The following KIF27 variants were observed in gnomAD, a reference collection of about 807,000 sequenced individuals.
KIF27 encodes kinesin family member 27.
KIF27 carries 84 observed loss-of-function variants against 141.8 expected under a neutral mutation model. The observed-to-expected ratio is 0.59, with a 90% CI of 0.50 to 0.71. KIF27 has a LOEUF of 0.71. Among genes scored for constraint, KIF27 ranks in the 30% least tolerant of loss-of-function variants. KIF27 has a pLI of 0.00. For synonymous variants in KIF27, 471 were observed against 569.5 expected (o/e 0.83, Z 2.46); for missense variants, 1,306 against 1,628.4 (o/e 0.80, Z 3.41).
chr9:83,850,768 A>G (rs1948467628), intron 15 of KIF27, among the ~76,000 whole-genome samples: 1 of 149,118 alleles, frequency 6.7e-6, no homozygotes, highest in African/African-American at 2.5e-5. Context: ...TGGGTGCAAG[A>G]GCAAAACTCT....
intron 11 of KIF27, among the ~76,000 whole-genome samples, chr9:83,879,376 C>CT (rs1220171005): frequency 6.7e-6 from 1 of 149,804 alleles, no homozygotes; most frequent in Non-Finnish European, 1.5e-5. Context: ...TCTAGGAAAT[C>CT]TGGGGCATAC....
At chr9:83,911,538 G>T (rs1442037787) in intron 2 of KIF27, among the ~76,000 whole-genome samples, 1 of 151,742 alleles carries the variant, frequency 6.6e-6, no homozygotes, top group Non-Finnish European at 1.5e-5. Context: ...CCACTTTTAT[G>T]TGTTTGGTTT....
intron 13 of KIF27, among the ~76,000 whole-genome samples, chr9:83,861,318 A>T (rs1186713271): frequency 6.6e-6 from 1 of 151,770 alleles, no homozygotes; most frequent in Admixed American, 6.6e-5. Context: ...TCCTAATGCT[A>T]TCCCTCCCCC....
At position 83,908,415 on chromosome 9, in the gene KIF27, T is replaced by C. The variant is rs747867117; in HGVS notation, c.499+37A>G. The C allele has an allele frequency of 3.9e-6, 5 of 1,273,350 alleles. No homozygotes were observed. In the South Asian group the frequency reaches 6.9e-5, roughly 18 times the overall value. The allele number at this position is 1,273,350 out of a possible 1,614,324, so 78.9% of individuals were successfully genotyped here. On this transcript the variant is annotated intron_variant, in intron 3 of 17. Coordinates refer to ENST00000297814, the MANE Select transcript of KIF27 (RefSeq NM_017576.4). ...ATTAAAGCATTAAAGCATGTCTGTT[T>C]GCTAATGAAGGCAACTGATTAAGTG...
intron 17 of KIF27, among the ~76,000 whole-genome samples, chr9:83,838,184 AAT>A (rs1427848801): frequency 1.3e-5 from 2 of 152,202 alleles, no homozygotes; most frequent in Non-Finnish European, 2.9e-5. Flanking sequence ...TGCCAACTTC[AAT>A]ATATTGATGC....
rs373093955 is a variant in KIF27, at chr9:83,848,075, A to ATCATATATATGATATATC, written c.3556+2023_3556+2024insGATATATCATATATATGA. On this transcript the variant is annotated intron_variant, in intron 16 of 17. Coordinates refer to ENST00000297814, the MANE Select transcript of KIF27 (RefSeq NM_017576.4). ...TATCTATATATCATATATATGATAT[A>ATCATATATATGATATATC]TGATATATCATATATATGATATATA... Among the ~76,000 whole-genome samples the ATCATATATATGATATATC allele has an allele frequency of 5.9e-4, 39 of 66,502 alleles. 13 individuals carry two copies. Among genetic ancestry groups the ATCATATATATGATATATC allele is most frequent in the Non-Finnish European group, 1.0e-3 (35 of 34,858 alleles). 43.6% of individuals were successfully genotyped at this position (66,502 alleles called of 152,430 possible).
At chr9:83,863,067 G>C (rs1377529347) in intron 13 of KIF27, among the ~76,000 whole-genome samples, 2 of 152,180 alleles carry the variant, frequency 1.3e-5, no homozygotes, top group African/African-American at 4.8e-5. Context: ...AGCTTAAGGA[G>C]ATTTTGGGCT....
At chr9:83,897,870 A>AG (rs1335052255) in intron 5 of KIF27, among the ~76,000 whole-genome samples, 1 of 152,234 alleles carries the variant, frequency 6.6e-6, no homozygotes, top group African/African-American at 2.4e-5. Context: ...ACTAGTCATC[A>AG]GGGAAATGCA....
intron 9 of KIF27, among the ~76,000 whole-genome samples, chr9:83,885,475 G>A (rs1952019451): frequency 6.6e-6 from 1 of 152,138 alleles, no homozygotes; most frequent in South Asian, 2.1e-4. Context: ...ACTAAATGCA[G>A]TGTGAACTGT....
intron 11 of KIF27, among the ~76,000 whole-genome samples, chr9:83,871,190 G>T (rs1053985261): frequency 6.6e-6 from 1 of 151,904 alleles, no homozygotes; most frequent in South Asian, 2.1e-4. Flanking sequence ...TAAAGTTCTG[G>T]GATTATAGGC....
At chr9:83,841,044 A>G (rs1946494674) in intron 17 of KIF27, among the ~76,000 whole-genome samples, 1 of 151,954 alleles carries the variant, frequency 6.6e-6, no homozygotes, top group Non-Finnish European at 1.5e-5. Flanking sequence ...AAATGTCTAT[A>G]CATGATAAAT....
In KIF27 at chr9:83,903,602, G is replaced by A. The variant is rs1254876416; in HGVS notation, c.916C>T (p.Leu306=). 1 of 1,614,186 alleles carries A rather than the reference G, an allele frequency of 6.2e-7. No individual in the cohort carries two copies. The highest frequency in any genetic ancestry group is 8.5e-7 in the Non-Finnish European group (1 of 1,180,040). Residue 306 remains leucine (L), a synonymous_variant, in exon 4 of 18, where the codon CTG becomes TTG. Coordinates refer to ENST00000297814, the MANE Select transcript of KIF27 (RefSeq NM_017576.4). ...ATGACAGTCTTAGCACTGCCTCCCA[G>A]AGAATCTTTCAGAAGCCGGGTAATT... is the stretch of plus-strand genomic sequence containing the variant. ...AKITRLLKDS[L]GGSAKTVMIT...
intron 17 of KIF27, chr9:83,837,963 T>C (rs972193972): frequency 5.7e-5 from 9 of 157,468 alleles, no homozygotes; most frequent in African/African-American, 2.2e-4. Context: ...GATAGCGGGG[T>C]TCTCCTGTCT....
At chr9:83,866,119 A>G (rs1950333604) in intron 13 of KIF27, among the ~76,000 whole-genome samples, 1 of 152,162 alleles carries the variant, frequency 6.6e-6, no homozygotes, top group Admixed American at 6.5e-5. Context: ...TCGGTCCCAG[A>G]GTAAGAAAAA....
chr9:83,861,355 G>A, intron 13 of KIF27, among the ~76,000 whole-genome samples: 1 of 151,080 alleles, frequency 6.6e-6, no homozygotes, highest in Non-Finnish European at 1.5e-5. Flanking sequence ...ACAGGCCCCG[G>A]TGTGTGATGT....
intron 13 of KIF27, among the ~76,000 whole-genome samples, chr9:83,867,113 C>T (rs1391533256): frequency 6.6e-6 from 1 of 152,068 alleles, no homozygotes; most frequent in Non-Finnish European, 1.5e-5. Flanking sequence ...CAAAGGTGGT[C>T]TTTTGTGACT....
chr9:83,870,971 C>T (rs778751771), intron 11 of KIF27, among the ~76,000 whole-genome samples: 1 of 151,820 alleles, frequency 6.6e-6, no homozygotes, highest in African/African-American at 2.4e-5. Context: ...AGTGCAATGG[C>T]GTGATCATAG....
chr9:83,843,391 A>G (rs1946816617), intron 16 of KIF27, among the ~76,000 whole-genome samples: 1 of 150,814 alleles, frequency 6.6e-6, no homozygotes, highest in Admixed American at 6.6e-5. Flanking sequence ...CTCTTGAACC[A>G]GTGAAATCCA....
At chr9:83,881,283 A>G (rs1368010692) in intron 10 of KIF27, among the ~76,000 whole-genome samples, 2 of 152,272 alleles carry the variant, frequency 1.3e-5, no homozygotes, top group Non-Finnish European at 2.9e-5. Context: ...CCAAACAAAC[A>G]TGTATTAAAC....
Sources: gnomAD v4.1 joint callset for allele counts (sites outside exome capture counted in the v4.1 genomes callset) on GRCh38, gnomAD v4.1.1 for gene constraint, MANE v1.5 for transcripts, NCBI Gene and HGNC (gene_info 2026-07-23, HGNC 2026-07-21) for gene names.